PTGR2: variants seen among roughly 807,000 people sequenced by gnomAD.
PTGR2 encodes prostaglandin reductase 2, also known as 15-oxoprostaglandin 13-reductase.
A neutral mutation model predicts 43.4 loss-of-function variants in PTGR2; 32 were observed. The ratio of observed to expected loss-of-function variants is 0.74; its 90% CI spans 0.56 to 0.99. The LOEUF is 0.99. PTGR2 is among the 50% of genes least tolerant of loss of function. The pLI is 0.00. For synonymous variants in PTGR2, 106 were observed against 139.2 expected, an observed-to-expected ratio of 0.76 and a Z score of 1.68; for missense variants, 373 against 420.0, an observed-to-expected ratio of 0.89 and a Z score of 0.98.
intron 1 of PTGR2, among the ~76,000 whole-genome samples, chr14:73,855,589 G>C (rs953597106): frequency 4.0e-5 from 6 of 151,708 alleles, no homozygotes; most frequent in African/African-American, 1.2e-4. Flanking sequence ...GGGATTACAG[G>C]CGTGCACCAC....
Position 73,879,316 on chromosome 14 carries a change from G to A in PTGR2, c.729+11G>A. On this transcript the variant is annotated intron_variant, in intron 6 of 9. Coordinates refer to ENST00000555661, the MANE Select transcript of PTGR2 (RefSeq NM_001146154.2). The stretch of plus-strand genomic sequence containing the variant: ...ACAGTGATAAGTCAGGTTGTTTGCT[G>A]ATTTCTATAACAAATTTGAATACTG... 1 of 1,610,758 alleles carries A rather than the reference G, an allele frequency of 6.2e-7. No homozygotes were observed.
Position 73,879,171 on chromosome 14 carries a change from G to C in PTGR2, c.595G>C (p.Glu199Gln). ...TGAGAAATGCATCCTCTTGACCTCA[G>C]AACTGGGCTTTGATGCTGCAATTAA... ...THEKCILLTS[E>Q]LGFDAAINYK... Residue 199 changes from glutamate (E) to glutamine (Q), a missense_variant, in exon 6 of 10, where the codon GAA becomes CAA. Coordinates refer to ENST00000555661, the MANE Select transcript of PTGR2 (RefSeq NM_001146154.2). The C allele has an allele frequency of 6.2e-7, 1 of 1,614,096 alleles. No homozygotes were observed. Among genetic ancestry groups the C allele is most frequent in the Middle Eastern group, 1.6e-4 (1 of 6,062 alleles).
intron 5 of PTGR2, chr14:73,878,336 G>A (rs1325981050): frequency 1.3e-5 from 2 of 152,106 alleles, no homozygotes; most frequent in East Asian, 1.9e-4. Context: ...TTTAATTTGC[G>A]AAATTTTATT....
At chr14:73,879,934 A>T (rs996940668) in intron 6 of PTGR2, 121 bp from the exon 7 acceptor site, 112 of 697,326 alleles carry the variant, frequency 1.6e-4, no homozygotes, top group African/African-American at 1.2e-3. Flanking sequence ...CAGGTAAATT[A>T]AAAAAAAAAT....
chr14:73,858,292 T>A (rs1405873459), intron 1 of PTGR2: 1 of 131,824 alleles, frequency 7.6e-6, no homozygotes, highest in African/African-American at 2.7e-5. Flanking sequence ...TGGTGGCTCA[T>A]GCCTGTAATC....
intron 3 of PTGR2, among the ~76,000 whole-genome samples, chr14:73,872,258 G>C (rs575486906): frequency 1.3e-5 from 2 of 152,280 alleles, no homozygotes; most frequent in Non-Finnish European, 2.9e-5. Flanking sequence ...GCATGAAATA[G>C]GGAGCGTACT....
chr14:73,852,048 C>A (rs930047029), intron 1 of PTGR2, 105 bp downstream of exon 1: 1 of 152,170 alleles, frequency 6.6e-6, no homozygotes, highest in Admixed American at 6.5e-5. Flanking sequence ...TAGGCGTCCT[C>A]CCGGAGCTAC....
At chr14:73,854,818 A>C (rs1305800623) in intron 1 of PTGR2, among the ~76,000 whole-genome samples, 1 of 152,212 alleles carries the variant, frequency 6.6e-6, no homozygotes, top group South Asian at 2.1e-4. Context: ...ACATGACATT[A>C]TGGACCTCTT....
intron 4 of PTGR2, among the ~76,000 whole-genome samples, chr14:73,876,053 A>G (rs1426690388): frequency 6.6e-6 from 1 of 150,584 alleles, no homozygotes; most frequent in East Asian, 2.0e-4. Flanking sequence ...ACTCCTGACC[A>G]CATGATCCAC....
intron 7 of PTGR2, chr14:73,880,408 A>G (rs2054956450): frequency 7.7e-6 from 3 of 389,324 alleles, no homozygotes; most frequent in Non-Finnish European, 1.4e-5. Context: ...CCCCTTCTCT[A>G]CTAAAAATAC....
In PTGR2 at chr14:73,885,376, T is replaced by C. The variant is rs2140284342; in HGVS notation, c.*1199T>C. 6.6e-6 allele frequency: 1 copy of C among 152,330 alleles called. No individual in the cohort carries two copies. Among genetic ancestry groups the C allele is most frequent in the South Asian group, 2.1e-4 (1 of 4,832 alleles). 9.4% of individuals were successfully genotyped at this position (152,330 alleles called of 1,614,324 possible). ...AACAAATGTTTGTAAACATGAATGT[T>C]CAGGAACTACTGATGTACCTCAAAA... is the stretch of plus-strand genomic sequence containing the variant. On this transcript the variant is annotated 3_prime_UTR_variant, in exon 10 of 10. Transcript: ENST00000555661.
chr14:73,864,184 G>T (rs1762113415), intron 3 of PTGR2, among the ~76,000 whole-genome samples: 1 of 152,102 alleles, frequency 6.6e-6, no homozygotes. Context: ...TATCTTATCT[G>T]TTCATCAGAT....
At chr14:73,873,333 T>C (rs1362645095) in intron 3 of PTGR2, among the ~76,000 whole-genome samples, 2 of 151,982 alleles carry the variant, frequency 1.3e-5, no homozygotes, top group African/African-American at 4.8e-5. Context: ...AAAAAAGAAA[T>C]ATGTTTATAT....
chr14:73,866,008 T>C (rs562750142), intron 3 of PTGR2, among the ~76,000 whole-genome samples: 122 of 137,946 alleles, frequency 8.8e-4, no homozygotes, highest in African/African-American at 3.5e-3. Context: ...TCTGTTTTTC[T>C]TTTTTTTTTT....
At position 73,884,108 on chromosome 14, in the gene PTGR2, C is replaced by A. The variant is rs1336383141; in HGVS notation, c.987C>A (p.Phe329Leu). The A allele has an allele frequency of 6.2e-7, 1 of 1,602,216 alleles. No homozygotes were observed. The highest frequency in any genetic ancestry group is 8.5e-7 in the Non-Finnish European group (1 of 1,173,738). The change falls in exon 10 of 10, where the codon TTC (phenylalanine) becomes TTA (leucine). Residue 329 changes from phenylalanine (F) to leucine (L), a missense_variant. By Grantham distance (22) the Phe-to-Leu change is conservative. Coordinates refer to ENST00000555661, the MANE Select transcript of PTGR2 (RefSeq NM_001146154.2). ...INGLENMGAAFQSMMTGGNIG... is the reference protein window; with the variant it reads ...INGLENMGAALQSMMTGGNIG... The stretch of plus-strand genomic sequence containing the variant: ...TACTTTCTCTTTTTCCAGCTGCATT[C>A]CAGTCCATGATGACAGGAGGTAACA...
At chr14:73,855,350 A>C (rs11626950) in intron 1 of PTGR2, among the ~76,000 whole-genome samples, 74,338 of 151,904 alleles carry the variant, frequency 0.49, 18,412 homozygotes, top group South Asian at 0.61. Flanking sequence ...AGACAATGAC[A>C]GACGATGAGC....
intron 9 of PTGR2, among the ~76,000 whole-genome samples, chr14:73,883,850 T>C (rs907979879): frequency 2.0e-5 from 3 of 152,174 alleles, no homozygotes; most frequent in South Asian, 2.1e-4. Context: ...ACAATGAACA[T>C]TGATGTGCAT....
chr14:73,856,428 T>C (rs2054349169), intron 1 of PTGR2, among the ~76,000 whole-genome samples: 1 of 152,002 alleles, frequency 6.6e-6, no homozygotes, highest in South Asian at 2.1e-4. Context: ...TTTTTGTATT[T>C]TTAGTAGAGA....
At position 73,885,048 on chromosome 14, in the gene PTGR2, G is replaced by T; in HGVS notation, c.*871G>T. ...CTCAAGCCTGTAATCCTAGCACTTT[G>T]GGAGGCAGAGGCGGGCAGATCACTT... On this transcript the variant is annotated 3_prime_UTR_variant, in exon 10 of 10. Coordinates refer to ENST00000555661, the MANE Select transcript of PTGR2 (RefSeq NM_001146154.2). 6.6e-6 allele frequency: 1 copy of T among 152,296 alleles called. No individual in the cohort carries two copies. The allele number at this position is 152,296 out of a possible 1,614,324, so 9.4% of individuals were successfully genotyped here. A position where few individuals can be genotyped will look rare whatever the true frequency, so the allele number is the denominator to read the frequency against.
Sources: gnomAD v4.1 joint callset for allele counts (sites outside exome capture counted in the v4.1 genomes callset) on GRCh38, gnomAD v4.1.1 for gene constraint, MANE v1.5 for transcripts, NCBI Gene and HGNC (gene_info 2026-07-23, HGNC 2026-07-21) for gene names.